The following RASSF4 variants were observed in gnomAD, a reference collection of about 807,000 sequenced individuals.
The protein encoded by RASSF4 is Ras association domain family member 4.
In RASSF4, 38 loss-of-function variants were observed where a neutral mutation model predicts 41.1. That is an observed-to-expected ratio of 0.92 (90% CI 0.71 to 1.21). The LOEUF is 1.21. RASSF4 is among the 50% of genes most tolerant of loss of function. The probability of loss-of-function intolerance (pLI) is 0.00; values close to 1 mark genes in which losing one functional copy is unlikely to be tolerated. For synonymous variants in RASSF4, 179 were observed against 163.4 expected (o/e 1.10, Z -0.73); for missense variants, 414 against 419.4 (o/e 0.99, Z 0.11).
At chr10:44,964,393 A>G (rs1236324927) in intron 1 of RASSF4, among the ~76,000 whole-genome samples, 1 of 152,196 alleles carries the variant, frequency 6.6e-6, no homozygotes, top group Non-Finnish European at 1.5e-5. Flanking sequence ...GAACGGGCCC[A>G]GACAAAGAAA....
chr10:44,968,945 CA>C (rs1219864589), intron 1 of RASSF4, among the ~76,000 whole-genome samples: 1 of 151,974 alleles, frequency 6.6e-6, no homozygotes, highest in Admixed American at 6.6e-5. Context: ...GCAAGGTCAG[CA>C]CTGGAGTATG....
In RASSF4 at chr10:44,994,644, T is replaced by G. The variant is rs1842233760; in HGVS notation, c.*1315T>G. ...TGCAGGGGAGGCCTGCCCACTGTTT[T>G]GTCGACTCTGCCCTCCTCTGGCAGC... On this transcript the variant is annotated 3_prime_UTR_variant, in exon 11 of 11. Transcript: ENST00000340258. 1 of 152,020 alleles carries G rather than the reference T, an allele frequency of 6.6e-6. No individual in the cohort carries two copies. The highest frequency in any genetic ancestry group is 2.4e-5 in the African/African-American group (1 of 41,358). The allele number at this position is 152,020 out of a possible 1,614,324, so 9.4% of individuals were successfully genotyped here.
At chr10:44,979,883 G>A (rs1035583414) in intron 3 of RASSF4, among the ~76,000 whole-genome samples, 1 of 152,046 alleles carries the variant, frequency 6.6e-6, no homozygotes, top group Non-Finnish European at 1.5e-5. Context: ...TGGGGCTGGG[G>A]GGCTGCCAAG....
intron 5 of RASSF4, 127 bp downstream of exon 5, chr10:44,984,240 G>C (rs1588837945): frequency 1.1e-6 from 1 of 908,704 alleles, no homozygotes; most frequent in East Asian, 2.7e-5. Context: ...TTCACCTGCT[G>C]GACCCCTACC....
At chr10:44,971,433 T>C (rs1841154829) in intron 2 of RASSF4, 1 of 508,776 alleles carries the variant, frequency 2.0e-6, no homozygotes, top group Non-Finnish European at 3.8e-6. Flanking sequence ...GGGCATTTAC[T>C]GTGAGGAAGC....
At chr10:44,988,138 G>C (rs545999633) in intron 6 of RASSF4, among the ~76,000 whole-genome samples, 1 of 152,136 alleles carries the variant, frequency 6.6e-6, no homozygotes, top group East Asian at 1.9e-4. Flanking sequence ...CAGCACCAGG[G>C]GGGTAACATG....
intron 1 of RASSF4, among the ~76,000 whole-genome samples, chr10:44,969,695 G>A (rs531291753): frequency 6.6e-6 from 1 of 152,338 alleles, no homozygotes; most frequent in South Asian, 2.1e-4. Flanking sequence ...ACCATTTACA[G>A]CACATAGGGA....
chr10:44,992,711 G>A (rs972819343), intron 10 of RASSF4, among the ~76,000 whole-genome samples: 1 of 152,200 alleles, frequency 6.6e-6, no homozygotes, highest in Non-Finnish European at 1.5e-5. Context: ...TGTGGGGAAA[G>A]GATGGATGTT....
intron 8 of RASSF4, among the ~76,000 whole-genome samples, chr10:44,989,947 G>T (rs749762415): frequency 1.3e-5 from 2 of 152,232 alleles, no homozygotes; most frequent in South Asian, 2.1e-4. Context: ...TTTTGGCTTC[G>T]AATTTAAAGC....
intron 1 of RASSF4, among the ~76,000 whole-genome samples, chr10:44,967,126 T>C (rs1840930208): frequency 6.6e-6 from 1 of 152,212 alleles, no homozygotes. Context: ...GGTTTATTTC[T>C]CCCTCTCAGT....
At chr10:44,980,073 G>T (rs183314559) in intron 3 of RASSF4, among the ~76,000 whole-genome samples, 27 of 152,282 alleles carry the variant, frequency 1.8e-4, no homozygotes, top group Middle Eastern at 6.8e-3. Context: ...TGCTGCAGGT[G>T]GGGGAGAAAG....
rs150474743 is a variant in RASSF4, at chr10:44,987,970, G to C, written c.532-1304G>C. 7.7e-3 allele frequency among the ~76,000 whole-genome samples: 1,169 copies of C among 152,278 alleles called. 7 individuals carry two copies. The highest frequency in any genetic ancestry group is 0.017 in the South Asian group (80 of 4,822). ...CCCAGGTGTGCCTGGACTTATCAGA[G>C]CGGGGATACTGAATAGGTCCTTGAG... On this transcript the variant is annotated intron_variant, in intron 6 of 10. Transcript: ENST00000340258.
At chr10:44,977,396 A>T in intron 3 of RASSF4, 3 of 1,574,286 alleles carry the variant, frequency 1.9e-6, no homozygotes, top group Non-Finnish European at 2.6e-6. Flanking sequence ...GAGGGGTCAG[A>T]GTTCATGGAT....
chr10:44,982,692 T>C (rs765332741), intron 4 of RASSF4, 29 bp downstream of exon 4: 2 of 1,605,570 alleles, frequency 1.2e-6, no homozygotes, highest in Non-Finnish European at 1.7e-6. Flanking sequence ...CTGTGACACC[T>C]GCTCAGCCTG....
rs371607990 is a variant in RASSF4 at position 44,990,961 on chromosome 10, A to G, written c.699A>G (p.Leu233=). Residue 233 remains leucine, a synonymous_variant, in exon 9 of 11, where the codon TTA becomes TTG. Transcript: ENST00000340258. ...CTTCTTTTTCAGAGCGGACAAAATT[A>G]AAAGACTGCGAGTACCCGCTGATTT... ...IVHESGERTK[L]KDCEYPLISR... is the part of the protein sequence containing the mutation. The G allele has an allele frequency of 6.6e-5, 106 of 1,612,984 alleles. No individual in the cohort carries two copies. The East Asian group carries it at 1.7e-3, about 25-fold the overall frequency.
chr10:44,961,011 G>T (rs2132756551), intron 1 of RASSF4, among the ~76,000 whole-genome samples: 2 of 152,238 alleles, frequency 1.3e-5, no homozygotes, highest in Middle Eastern at 3.4e-3. Context: ...GGTTAGGGGA[G>T]AAGACAGGAA....
At chr10:44,986,303 C>T (rs764250906) in intron 6 of RASSF4, among the ~76,000 whole-genome samples, 1 of 152,186 alleles carries the variant, frequency 6.6e-6, no homozygotes, top group Non-Finnish European at 1.5e-5. Context: ...GTGTCTGGTA[C>T]ATTAAACCTT....
chr10:44,973,459 C>A (rs1481022110), intron 3 of RASSF4, among the ~76,000 whole-genome samples: 1 of 152,240 alleles, frequency 6.6e-6, no homozygotes, highest in African/African-American at 2.4e-5. Context: ...CACTGCTGTT[C>A]TTCAGCTCTG....
intron 3 of RASSF4, chr10:44,977,803 G>A (rs1841510891): frequency 1.9e-6 from 3 of 1,600,728 alleles, no homozygotes; most frequent in Non-Finnish European, 2.6e-6. Flanking sequence ...CAGCAGGGCG[G>A]CCCTTCCGGC....
Sources: gnomAD v4.1 joint callset for allele counts (sites outside exome capture counted in the v4.1 genomes callset) on GRCh38, gnomAD v4.1.1 for gene constraint, MANE v1.5 for transcripts, NCBI Gene and HGNC (gene_info 2026-07-23, HGNC 2026-07-21) for gene names.